QTGAL: variants seen among roughly 807,000 people sequenced by gnomAD.
QTGAL encodes the protein queuosine-tRNA galactosyltransferase, also known as BGnT-like protein 1.
the QTGAL span, among the ~76,000 whole-genome samples, chr17:83,036,532 C>T: frequency 1.3e-5 from 2 of 152,212 alleles, no homozygotes; most frequent in Admixed American, 1.3e-4. Flanking sequence ...TTCAAAAAAT[C>T]TCTGTCTTCA....
chr17:82,992,642 A>C, the QTGAL span, among the ~76,000 whole-genome samples: 1 of 152,230 alleles, frequency 6.6e-6, no homozygotes, highest in African/African-American at 2.4e-5. Context: ...ACTCACTGCT[A>C]ATATGAGTAC....
At chr17:83,001,766 G>C in the QTGAL span, among the ~76,000 whole-genome samples, 1 of 152,096 alleles carries the variant, frequency 6.6e-6, no homozygotes, top group African/African-American at 2.4e-5. Context: ...TTTGACAAAT[G>C]CAATAAAGTT....
chr17:83,011,708 G>A, the QTGAL span, among the ~76,000 whole-genome samples: 1 of 152,218 alleles, frequency 6.6e-6, no homozygotes, highest in South Asian at 2.1e-4. Flanking sequence ...TGGAGCAGAA[G>A]CTTCTCTCCC....
chr17:83,051,044 C>T, the QTGAL span, among the ~76,000 whole-genome samples: 3 of 140,390 alleles, frequency 2.1e-5, no homozygotes, highest in African/African-American at 8.1e-5. Flanking sequence ...GTGTGGGGCA[C>T]GGGGAGGTGT....
At chr17:82,995,130 T>C in the QTGAL span, among the ~76,000 whole-genome samples, 1 of 152,150 alleles carries the variant, frequency 6.6e-6, no homozygotes, top group Non-Finnish European at 1.5e-5. Flanking sequence ...ATTGGGAACA[T>C]GACAAGCATG....
the QTGAL span, among the ~76,000 whole-genome samples, chr17:83,027,007 G>GGC: frequency 5.0e-4 from 54 of 107,978 alleles, 5 homozygotes; most frequent in Middle Eastern, 6.1e-3. Flanking sequence ...GACACACAGA[G>GGC]CGGGGCAGGG....
At chr17:83,036,058 C>G in the QTGAL span, among the ~76,000 whole-genome samples, 3 of 151,970 alleles carry the variant, frequency 2.0e-5, no homozygotes, top group South Asian at 6.2e-4. Flanking sequence ...ATCCCATGAC[C>G]CAGCTCTGAT....
At chr17:83,026,791 AC>A in the QTGAL span, among the ~76,000 whole-genome samples, 1 of 127,510 alleles carries the variant, frequency 7.8e-6, no homozygotes, top group Non-Finnish European at 1.7e-5. Context: ...CTGCAGACAA[AC>A]CCACCCTCGA....
chr17:82,978,600 G>A, the QTGAL span: 2 of 152,192 alleles, frequency 1.3e-5, no homozygotes, highest in African/African-American at 4.8e-5. The surrounding 1 kb of genome is among the most constrained non-coding windows in gnomAD (Gnocchi z 4.8). Flanking sequence ...GCAACACCAG[G>A]TGAGCCCTTC....
At chr17:83,020,582 C>G in the QTGAL span, among the ~76,000 whole-genome samples, 1 of 152,242 alleles carries the variant, frequency 6.6e-6, no homozygotes, top group African/African-American at 2.4e-5. Context: ...CCTGGGGACA[C>G]GATGGGGCCT....
At chr17:82,972,572 A>G in the QTGAL span, among the ~76,000 whole-genome samples, 1 of 111,448 alleles carries the variant, frequency 9.0e-6, no homozygotes, top group Non-Finnish European at 1.8e-5. Flanking sequence ...CCTGGTACTG[A>G]CCACACCACA....
chr17:82,965,616 G>A, the QTGAL span: 3 of 1,549,240 alleles, frequency 1.9e-6, no homozygotes, highest in East Asian at 2.3e-5. Flanking sequence ...CCCCGAACCT[G>A]GGGGAGGGAC....
chr17:82,963,836 T>C, the QTGAL span, among the ~76,000 whole-genome samples: 1 of 151,886 alleles, frequency 6.6e-6, no homozygotes, highest in African/African-American at 2.4e-5. Flanking sequence ...TGTACAGCCC[T>C]ATAAATTTGC....
the QTGAL span, among the ~76,000 whole-genome samples, chr17:83,028,226 C>A: frequency 1.3e-4 from 20 of 152,070 alleles, no homozygotes; most frequent in African/African-American, 4.3e-4. Flanking sequence ...AATAAACCCA[C>A]GAAAAGGTGC....
the QTGAL span, among the ~76,000 whole-genome samples, chr17:82,958,786 C>T: frequency 7.7e-6 from 1 of 129,220 alleles, no homozygotes; most frequent in African/African-American, 4.1e-5. Context: ...GACTTGGGGA[C>T]ACTGAAGCAT....
the QTGAL span, among the ~76,000 whole-genome samples, chr17:82,987,269 G>A: frequency 6.6e-6 from 1 of 152,062 alleles, no homozygotes; most frequent in African/African-American, 2.4e-5. Flanking sequence ...TCAAATGTTA[G>A]CGAGAAAAAG....
At chr17:83,015,007 C>T in the QTGAL span, among the ~76,000 whole-genome samples, 5 of 151,282 alleles carry the variant, frequency 3.3e-5, no homozygotes, top group South Asian at 4.2e-4. The surrounding 1 kb of genome is among the most constrained non-coding windows in gnomAD (Gnocchi z 4.4). Flanking sequence ...GGAGGGGGAC[C>T]GTCTGCAGTG....
chr17:82,959,188 C>T, the QTGAL span, among the ~76,000 whole-genome samples: 7 of 151,702 alleles, frequency 4.6e-5, no homozygotes, highest in Admixed American at 3.3e-4. Flanking sequence ...AGCACGTGTA[C>T]AGTGTGTGCA....
At chr17:83,023,269 C>T in the QTGAL span, among the ~76,000 whole-genome samples, 4 of 113,084 alleles carry the variant, frequency 3.5e-5, no homozygotes, top group Non-Finnish European at 7.3e-5. Flanking sequence ...GCACTGTCCC[C>T]GCCCCACCTG....
Sources: gnomAD v4.1 joint callset for allele counts (sites outside exome capture counted in the v4.1 genomes callset) on GRCh38, gnomAD v4.1.1 for gene constraint, Gnocchi (gnomAD v3.1) non-coding constraint, MANE v1.5 for transcripts, NCBI Gene and HGNC (gene_info 2026-07-23, HGNC 2026-07-21) for gene names.